The following CYP2F1 variants were observed in gnomAD, a reference collection of about 807,000 sequenced individuals.
CYP2F1 encodes cytochrome P450 family 2 subfamily F member 1.
CYP2F1 carries 33 observed loss-of-function variants against 40.4 expected under a neutral mutation model. That is an observed-to-expected ratio of 0.82 (90% CI 0.62 to 1.09). The LOEUF (loss-of-function observed/expected upper bound fraction) is 1.09, where lower values mean the gene tolerates loss of function less well. Ranked by LOEUF, CYP2F1 falls within the 50% of genes least tolerant of loss-of-function variation. The pLI, the probability that CYP2F1 is intolerant of heterozygous loss-of-function variation, is 0.00. For synonymous variants in CYP2F1, 235 were observed against 277.2 expected (o/e 0.85, Z 1.51); for missense variants, 566 against 655.7 (o/e 0.86, Z 1.49).
intron 1 of CYP2F1, among the ~76,000 whole-genome samples, 163 bp downstream of exon 1, chr19:41,114,655 G>C (rs545120638): frequency 1.4e-4 from 22 of 152,042 alleles, no homozygotes; most frequent in Non-Finnish European, 2.4e-4. Context: ...TTTCTTTACT[G>C]GTGCTTCACC....
intron 3 of CYP2F1, among the ~76,000 whole-genome samples, chr19:41,119,723 C>CTATATATATA (rs1290627675): frequency 9.0e-4 from 32 of 35,752 alleles, no homozygotes; most frequent in East Asian, 2.3e-3. Flanking sequence ...CTCTCTCTCT[C>CTATATATATA]TATATATATA....
Position 41,123,221 on chromosome 19 carries a change from G to A in CYP2F1, c.964+258G>A, listed in dbSNP as rs184084656. 5.6e-4 allele frequency: 316 copies of A among 565,586 alleles called. 1 individual carries two copies. Among genetic ancestry groups the A allele is most frequent in the African/African-American group, 4.0e-3 (217 of 53,880 alleles). 35.0% of individuals were successfully genotyped at this position (565,586 alleles called of 1,614,324 possible). On this transcript the variant is annotated intron_variant, in intron 7 of 9. Transcript: ENST00000331105. ...TGTCTTTGTTTTGTTTTTTGGAGAC[G>A]GAGTCTGGCTCTGTCACCCAGGCTG...
At position 41,128,324 on chromosome 19, in the gene CYP2F1, A is replaced by C; in HGVS notation, c.*242A>C. ...CTTGTTCTATGGCACGCCCTTTTCT[A>C]GGCTTTTTGTATCATTTCTTAGTAC... is the stretch of plus-strand genomic sequence containing the variant. On this transcript the variant is annotated 3_prime_UTR_variant, in exon 10 of 10. Transcript: ENST00000331105. The C allele has an allele frequency of 2.3e-6, 1 of 433,044 alleles. No individual in the cohort carries two copies. Among genetic ancestry groups the C allele is most frequent in the Non-Finnish European group, 3.9e-6 (1 of 253,280 alleles). The allele number at this position is 433,044 out of a possible 1,614,324, so 26.8% of individuals were successfully genotyped here.
At chr19:41,125,709 C>A (rs1192076659) in intron 9 of CYP2F1, 75 bp downstream of exon 9, 1 of 1,613,982 alleles carries the variant, frequency 6.2e-7, no homozygotes, top group Admixed American at 1.7e-5. Flanking sequence ...TTGCCAAATC[C>A]TCTCACTCCT....
intron 8 of CYP2F1, 67 bp downstream of exon 8, chr19:41,124,973 A>G: frequency 7.1e-7 from 1 of 1,403,878 alleles, no homozygotes. Context: ...TTGCACTGGC[A>G]AGGAGTATCC....
intron 1 of CYP2F1, among the ~76,000 whole-genome samples, chr19:41,114,968 C>T (rs62117446): frequency 0.061 from 9,274 of 151,932 alleles, 458 homozygotes; most frequent in Admixed American, 0.14. Flanking sequence ...CAGGGTTTCA[C>T]CATGTTGGCC....
intron 7 of CYP2F1, among the ~76,000 whole-genome samples, chr19:41,124,258 T>C (rs1466772469): frequency 0.074 from 4,339 of 58,312 alleles, 391 homozygotes; most frequent in East Asian, 0.096. Context: ...CCCCCCCCTT[T>C]TTTTTTTTTT....
chr19:41,119,933 T>A (rs1009216771), intron 3 of CYP2F1, among the ~76,000 whole-genome samples: 1 of 151,406 alleles, frequency 6.6e-6, no homozygotes, highest in Non-Finnish European at 1.5e-5. Context: ...AGAGCGAGAC[T>A]GTGTCGCAAA....
intron 3 of CYP2F1, among the ~76,000 whole-genome samples, chr19:41,117,346 G>A (rs527993263): frequency 6.6e-6 from 1 of 152,052 alleles, no homozygotes; most frequent in East Asian, 1.9e-4. Context: ...TGGTCAGGCT[G>A]GTCTCAAACT....
chr19:41,124,972 C>G (rs1371971147), intron 8 of CYP2F1, 66 bp downstream of exon 8: 5 of 1,399,250 alleles, frequency 3.6e-6, no homozygotes, highest in South Asian at 2.7e-5. Context: ...CTTGCACTGG[C>G]AAGGAGTATC....
chr19:41,124,619 T>C (rs1368770175), intron 7 of CYP2F1, 100 bp from the exon 8 acceptor site: 2 of 1,129,136 alleles, frequency 1.8e-6, no homozygotes, highest in East Asian at 5.2e-5. Context: ...TGGGAGACTT[T>C]GACTAGACGC....
intron 3 of CYP2F1, 68 bp from the exon 4 acceptor site, chr19:41,120,279 G>C: frequency 6.9e-7 from 1 of 1,455,104 alleles, no homozygotes; most frequent in Admixed American, 2.3e-5. Flanking sequence ...TACCATGAAA[G>C]GGGACCTGGG....
At chr19:41,116,670 G>A in intron 3 of CYP2F1, 53 bp downstream of exon 3, 1 of 1,585,134 alleles carries the variant, frequency 6.3e-7, no homozygotes, top group South Asian at 1.1e-5. Flanking sequence ...ATTGAGGGAG[G>A]GGGTGAGGGT....
At chr19:41,118,603 G>A (rs1053120848) in intron 3 of CYP2F1, among the ~76,000 whole-genome samples, 1 of 152,196 alleles carries the variant, frequency 6.6e-6, no homozygotes, top group Non-Finnish European at 1.5e-5. Context: ...CAGGGCACTT[G>A]AGAAAGTCAC....
intron 1 of CYP2F1, among the ~76,000 whole-genome samples, 161 bp downstream of exon 1, chr19:41,114,653 CTGG>C (rs1207893223): frequency 2.6e-5 from 4 of 152,176 alleles, no homozygotes; most frequent in African/African-American, 9.7e-5. Flanking sequence ...GATTTCTTTA[CTGG>C]TGCTTCACCA....
In CYP2F1 at chr19:41,128,144, C is replaced by G. The variant is rs1311840757; in HGVS notation, c.*62C>G. The G allele has an allele frequency of 1.5e-5, 22 of 1,510,542 alleles. 1 individual carries two copies. The South Asian group carries it at 2.6e-4, about 18-fold the overall frequency. 93.6% of individuals were successfully genotyped at this position (1,510,542 alleles called of 1,614,324 possible). ...GGCCCGCCCATGCGGGTTGCTACGT[C>G]CCCTTCTTGGTCCACAGTCTGCCCT... On this transcript the variant is annotated 3_prime_UTR_variant, in exon 10 of 10. Transcript: ENST00000331105.
At chr19:41,125,963 T>C (rs1433012688) in intron 9 of CYP2F1, 12 of 484,894 alleles carry the variant, frequency 2.5e-5, no homozygotes, top group Non-Finnish European at 4.1e-5. Flanking sequence ...TGAAACCCTG[T>C]CTCTACTTAA....
chr19:41,128,066 G>A lies in CYP2F1; in HGVS notation c.1460G>A (p.Cys487Tyr). 6.2e-7 allele frequency: 1 copy of A among 1,605,574 alleles called. No individual in the cohort carries two copies. The highest frequency in any genetic ancestry group is 8.5e-7 in the Non-Finnish European group (1 of 1,176,028). Residue 487 changes from cysteine to tyrosine, a missense_variant, in exon 10 of 10, where the codon TGC (cysteine) becomes TAC (tyrosine). By Grantham distance (194) the Cys-to-Tyr change is radical. Transcript: ENST00000331105. The stretch of plus-strand genomic sequence containing the variant: ...AATTTGCCGCGGCCTTTCCAGCTGT[G>A]CCTGCGCCCGCGCTAACGCCCCGGC... ...LGNLPRPFQL[C>Y]LRPR
intron 3 of CYP2F1, 148 bp downstream of exon 3, chr19:41,116,765 G>T (rs1487458082): frequency 6.6e-6 from 6 of 910,034 alleles, no homozygotes; most frequent in Non-Finnish European, 9.9e-6. Flanking sequence ...AGGCAGTGTT[G>T]GTCTATGGCA....
Sources: gnomAD v4.1 joint callset for allele counts (sites outside exome capture counted in the v4.1 genomes callset) on GRCh38, gnomAD v4.1.1 for gene constraint, MANE v1.5 for transcripts, NCBI Gene and HGNC (gene_info 2026-07-23, HGNC 2026-07-21) for gene names.